The following ARHGAP6 variants were observed in gnomAD, a reference collection of about 807,000 sequenced individuals.
ARHGAP6 encodes the protein rho GTPase-activating protein 6.
Under a neutral mutation model 55.7 loss-of-function variants are expected in ARHGAP6, and 16 were observed. The observed-to-expected ratio is 0.29, with a 90% CI of 0.19 to 0.44. ARHGAP6 has a LOEUF of 0.44. Among genes scored for constraint, ARHGAP6 ranks in the 20% least tolerant of loss-of-function variants. The pLI is 1.00. For missense variants in ARHGAP6, 698 were observed against 808.9 expected, an observed-to-expected ratio of 0.86 and a Z score of 1.66; for synonymous variants, 382 against 360.9, an observed-to-expected ratio of 1.06 and a Z score of -0.66.
intron 1 of ARHGAP6, among the ~76,000 whole-genome samples, chrX:11,418,435 T>C (rs1240522513): frequency 8.9e-6 from 1 of 111,760 alleles, no homozygotes; most frequent in Non-Finnish European, 1.9e-5. Context: ...GTTAAAACCC[T>C]TTACCCATCA....
intron 1 of ARHGAP6, among the ~76,000 whole-genome samples, chrX:11,457,269 TCCAGTCCCTCCAAGCC>T (rs1301362341): frequency 1.8e-5 from 2 of 111,763 alleles, no homozygotes; most frequent in Non-Finnish European, 1.9e-5. Flanking sequence ...CACCATTTGC[TCCAGTCCCTCCAAGCC>T]CCAGTCCCTA....
At chrX:11,174,578 CTTTCTTT>C (rs2046154618) in intron 8 of ARHGAP6, among the ~76,000 whole-genome samples, 4 of 76,410 alleles carry the variant, frequency 5.2e-5, no homozygotes, top group Non-Finnish European at 5.4e-5. Context: ...TCCTTCCTTT[CTTTCTTT>C]CTTTCTTTTT....
chrX:11,146,233 G>T (rs1422643753), intron 10 of ARHGAP6, among the ~76,000 whole-genome samples: 1 of 112,517 alleles, frequency 8.9e-6, no homozygotes, highest in East Asian at 2.8e-4. Flanking sequence ...TGAAAGGGGG[G>T]TAGGAAGTAC....
At chrX:11,636,161 G>C (rs2052416870) in intron 1 of ARHGAP6, among the ~76,000 whole-genome samples, 1 of 111,142 alleles carries the variant, frequency 9.0e-6, no homozygotes, top group Non-Finnish European at 1.9e-5. Context: ...TGTTATTTTA[G>C]TGTAATTATT....
chrX:11,240,403 T>G (rs1312082468), intron 2 of ARHGAP6, among the ~76,000 whole-genome samples: 6 of 111,783 alleles, frequency 5.4e-5, no homozygotes, highest in African/African-American at 2.0e-4. Context: ...GTGGGACCAA[T>G]GCAATGCTCT....
At chrX:11,464,484 G>A (rs1338411130) in intron 1 of ARHGAP6, among the ~76,000 whole-genome samples, 2 of 112,007 alleles carry the variant, frequency 1.8e-5, no homozygotes, top group Admixed American at 1.9e-4. Flanking sequence ...TTCATAAACT[G>A]TAATTACAGG....
intron 1 of ARHGAP6, among the ~76,000 whole-genome samples, chrX:11,360,733 G>A (rs771819668): frequency 5.4e-5 from 6 of 110,946 alleles, no homozygotes; most frequent in Admixed American, 9.6e-5. Context: ...GTTTGCAGAC[G>A]ACACGATTGT....
chrX:11,237,646 C>T (rs2047220584), intron 2 of ARHGAP6, among the ~76,000 whole-genome samples: 1 of 111,888 alleles, frequency 8.9e-6, no homozygotes, highest in Non-Finnish European at 1.9e-5. Context: ...TGAAGGAATG[C>T]TTTTTGGCAC....
At chrX:11,402,430 A>G (rs2049560568) in intron 1 of ARHGAP6, among the ~76,000 whole-genome samples, 1 of 110,927 alleles carries the variant, frequency 9.0e-6, no homozygotes, top group Admixed American at 9.7e-5. Flanking sequence ...TTAACAAAAT[A>G]GAAGATTGTT....
intron 1 of ARHGAP6, among the ~76,000 whole-genome samples, chrX:11,498,343 T>C (rs1320079714): frequency 8.9e-6 from 1 of 112,369 alleles, no homozygotes; most frequent in Admixed American, 9.4e-5. Flanking sequence ...CTTTCATGTT[T>C]ACATGCAATG....
At chrX:11,143,531 C>T (rs1245292001) in intron 11 of ARHGAP6, 1 of 825,262 alleles carries the variant, frequency 1.2e-6, no homozygotes. Flanking sequence ...TCATTGGATA[C>T]TAACACTATT....
intron 1 of ARHGAP6, among the ~76,000 whole-genome samples, chrX:11,630,292 A>C (rs2052346693): frequency 8.9e-6 from 1 of 112,113 alleles, no homozygotes; most frequent in African/African-American, 3.2e-5. Context: ...CAATTTAAAA[A>C]TCTGATTATA....
chrX:11,277,612 G>C (rs1391855754), intron 1 of ARHGAP6, among the ~76,000 whole-genome samples: 1 of 110,547 alleles, frequency 9.0e-6, no homozygotes, highest in Non-Finnish European at 1.9e-5. Context: ...TCCAAGCTGT[G>C]ATAAGGAACA....
intron 1 of ARHGAP6, among the ~76,000 whole-genome samples, chrX:11,536,803 T>A (rs2051108388): frequency 8.9e-6 from 1 of 112,534 alleles, no homozygotes; most frequent in South Asian, 3.7e-4. Flanking sequence ...GTGTAATATT[T>A]ACCAAGGATA....
intron 1 of ARHGAP6, among the ~76,000 whole-genome samples, chrX:11,456,135 T>C (rs1412029949): frequency 8.9e-6 from 1 of 111,880 alleles, no homozygotes; most frequent in Non-Finnish European, 1.9e-5. Context: ...TAATATATAA[T>C]ATACCATACA....
intron 1 of ARHGAP6, among the ~76,000 whole-genome samples, chrX:11,647,367 G>A (rs1468173604): frequency 8.9e-6 from 1 of 112,318 alleles, no homozygotes; most frequent in Non-Finnish European, 1.9e-5. Context: ...ATGACAAGGA[G>A]TATTTTCATC....
intron 2 of ARHGAP6, among the ~76,000 whole-genome samples, chrX:11,210,402 T>A (rs2046775824): frequency 8.9e-6 from 1 of 112,781 alleles, no homozygotes; most frequent in Admixed American, 9.4e-5. Context: ...TGACTTTTTT[T>A]TCTAAGTTAA....
At position 11,283,999 on chromosome X, in the gene ARHGAP6, CA is replaced by C. The variant is rs771427795; in HGVS notation, c.589-29293del. Among the ~76,000 whole-genome samples the C allele has an allele frequency of 1.4e-4, 16 of 111,718 alleles. No individual in the cohort carries two copies. In the South Asian group the frequency reaches 5.7e-3, roughly 39 times the overall value. Reference sequence around the variant, plus strand: ...TTTTTGAAGAGGGAAATAGAAGGCTCAAAAAGGAGAAATTTTGTAGTTTTTA... The same window carrying C: ...TTTTTGAAGAGGGAAATAGAAGGCTCAAAAGGAGAAATTTTGTAGTTTTTA... On this transcript the variant is annotated intron_variant, in intron 1 of 12. Transcript: ENST00000337414.
At chrX:11,174,523 TTCCTTCCTTCCTTCCTTCC>T (rs1569240944) in intron 8 of ARHGAP6, among the ~76,000 whole-genome samples, 50 of 45,151 alleles carry the variant, frequency 1.1e-3, no homozygotes, top group African/African-American at 4.1e-3. Context: ...CTTTCTTTCC[TTCCTTCCTTCCTTCCTTCC>T]TTCCTTCCTT....
Sources: allele counts gnomAD v4.1 joint callset (sites outside exome capture counted in the v4.1 genomes callset), GRCh38; gene constraint gnomAD v4.1.1; transcripts MANE v1.5; gene names NCBI Gene and HGNC (gene_info 2026-07-23, HGNC 2026-07-21).